Variants in SATB2 observed in about 807,000 individuals in gnomAD.
SATB2 encodes DNA-binding protein SATB2.
A neutral mutation model predicts 73.4 loss-of-function variants in SATB2; 1 was observed. That is an observed-to-expected ratio of 0.01 (90% CI 0.00 to 0.06). SATB2 has a LOEUF of 0.06. Among genes scored for constraint, SATB2 ranks in the 10% least tolerant of loss-of-function variants. The pLI, the probability that SATB2 is intolerant of heterozygous loss-of-function variation, is 1.00. For missense variants in SATB2, 459 were observed against 945.8 expected, an observed-to-expected ratio of 0.49 and a Z score of 6.75; for synonymous variants, 397 against 367.0, an observed-to-expected ratio of 1.08 and a Z score of -0.93.
chr2:199,423,926 A>C (rs1048650505), intron 3 of SATB2: 1 of 152,204 alleles, frequency 6.6e-6, no homozygotes, highest in Admixed American at 6.5e-5. Context: ...GTATCTTGGA[A>C]GCATCTCTCT....
chr2:199,272,110 C>T lies in SATB2; in HGVS notation c.*101G>A. 8.1e-7 allele frequency: 1 copy of T among 1,239,772 alleles called. No individual in the cohort carries two copies. The highest frequency in any genetic ancestry group is 2.3e-5 in the East Asian group (1 of 43,136). 76.8% of individuals were successfully genotyped at this position (1,239,772 alleles called of 1,614,324 possible). A position where few individuals can be genotyped will look rare whatever the true frequency, so the allele number is the denominator to read the frequency against. The stretch of plus-strand genomic sequence containing the variant: ...AAGACAAAAATAAAGCCAAAAAAAC[C>T]CAAAAACAAAAACAAAAAACAAACT... On this transcript the variant is annotated 3_prime_UTR_variant, in exon 11 of 11. Coordinates refer to ENST00000417098, the MANE Select transcript of SATB2 (RefSeq NM_001172509.2). This position sits in a 1 kb window ranked among gnomAD's most constrained non-coding sequence, Gnocchi z 6.7.
Position 199,456,069 on chromosome 2 carries a change from G to C in SATB2, c.-32C>G. On this transcript the variant is annotated 5_prime_UTR_variant, in exon 2 of 11. Coordinates refer to ENST00000417098, the MANE Select transcript of SATB2 (RefSeq NM_001172509.2). ...CCGACTCGGAGACAAAGTTCCCACC[G>C]GCAGGTCGCAATAAAACGCACAGGG... The C allele has an allele frequency of 6.5e-7, 1 of 1,537,626 alleles. No individual in the cohort carries two copies. Among genetic ancestry groups the C allele is most frequent in the Non-Finnish European group, 8.7e-7 (1 of 1,147,408 alleles).
At chr2:199,371,393 C>T (rs77249087) in intron 5 of SATB2, among the ~76,000 whole-genome samples, 8 of 151,934 alleles carry the variant, frequency 5.3e-5, no homozygotes, top group African/African-American at 1.9e-4. Flanking sequence ...AACATGAACC[C>T]AGCATGTGCT....
chr2:199,374,012 T>C (rs565010034), intron 5 of SATB2, among the ~76,000 whole-genome samples: 1 of 152,300 alleles, frequency 6.6e-6, no homozygotes, highest in East Asian at 1.9e-4. Flanking sequence ...GCTGACCCAA[T>C]TGGCTGCTTG....
chr2:199,371,957 GA>G lies in SATB2; in HGVS notation c.598-3251del, dbSNP rs573730604. 2.4e-3 allele frequency among the ~76,000 whole-genome samples: 367 copies of G among 152,184 alleles called. 2 individuals carry two copies. Among genetic ancestry groups the G allele is most frequent in the Non-Finnish European group, 3.9e-3 (265 of 68,010 alleles). ...TTGCATGGTGGTGGGCTGTGAAAAA[GA>G]AAGGATGAGGGTACACGTATAATGG... On this transcript the variant is annotated intron_variant, in intron 5 of 10. Coordinates refer to ENST00000417098, the MANE Select transcript of SATB2 (RefSeq NM_001172509.2).
chr2:199,280,334 G>C (rs1692449404), intron 10 of SATB2, among the ~76,000 whole-genome samples: 1 of 152,098 alleles, frequency 6.6e-6, no homozygotes, highest in Non-Finnish European at 1.5e-5. Context: ...TGTGATGATT[G>C]TGTTAACTGC....
chr2:199,369,028 A>G, intron 5 of SATB2: 1 of 252,448 alleles, frequency 4.0e-6, no homozygotes, highest in South Asian at 5.4e-5. Context: ...CAGATGCTCC[A>G]GCATCCGTAA....
chr2:199,355,348 C>CTATATA lies in SATB2; in HGVS notation c.701-6181_701-6176dup, dbSNP rs72202602. Reference sequence around the variant, plus strand: ...TATGTGTGTGTGTGTGTGTGTGTATCTATATATATATATATATATATATAT... The same window carrying CTATATA: ...TATGTGTGTGTGTGTGTGTGTGTATCTATATATATATATATATATATATATATATAT... On this transcript the variant is annotated intron_variant, in intron 6 of 10. Transcript: ENST00000417098. 7.0e-3 allele frequency among the ~76,000 whole-genome samples: 944 copies of CTATATA among 134,184 alleles called. 84 individuals carry two copies. Among genetic ancestry groups the CTATATA allele is most frequent in the African/African-American group, 0.022 (711 of 33,064 alleles). The allele number at this position is 134,184 out of a possible 152,430, so 88.0% of individuals were successfully genotyped here.
chr2:199,424,426 C>T (rs1006864561), intron 3 of SATB2, among the ~76,000 whole-genome samples: 11 of 152,068 alleles, frequency 7.2e-5, no homozygotes, highest in Non-Finnish European at 1.0e-4. Context: ...AAGGAAGTCC[C>T]CGACAGCTCT....
chr2:199,283,824 T>G (rs950179036), intron 10 of SATB2, among the ~76,000 whole-genome samples: 1 of 152,124 alleles, frequency 6.6e-6, no homozygotes, highest in East Asian at 1.9e-4. Flanking sequence ...GTCTTTTTAA[T>G]GTACTGTGTG....
At chr2:199,392,626 ATCAAGAG>A (rs2105882947) in intron 3 of SATB2, among the ~76,000 whole-genome samples, 1 of 152,248 alleles carries the variant, frequency 6.6e-6, no homozygotes, top group South Asian at 2.1e-4. Context: ...CAGCCTGGCA[ATCAAGAG>A]ATCCCAGATC....
At chr2:199,343,127 C>T (rs1192629324) in intron 7 of SATB2, among the ~76,000 whole-genome samples, 3 of 151,850 alleles carry the variant, frequency 2.0e-5, no homozygotes, top group Non-Finnish European at 2.9e-5. Context: ...CACACACACA[C>T]ACACACACAC....
chr2:199,470,421 A>T (rs1170076089), intron 1 of SATB2: 1 of 152,024 alleles, frequency 6.6e-6, no homozygotes, highest in Non-Finnish European at 1.5e-5. Context: ...GGTCAGAGGG[A>T]TCACGACCTC....
At chr2:199,348,607 C>A in intron 7 of SATB2, 94 bp downstream of exon 7, 1 of 976,286 alleles carries the variant, frequency 1.0e-6, no homozygotes. Flanking sequence ...TCCTGAGATC[C>A]ATAAAGCTTT....
chr2:199,309,790 A>G (rs1416337951), intron 9 of SATB2, among the ~76,000 whole-genome samples: 1 of 152,236 alleles, frequency 6.6e-6, no homozygotes, highest in African/African-American at 2.4e-5. Flanking sequence ...CACTAATTTT[A>G]AAAACAAGAA....
chr2:199,468,559 G>A (rs989248076), upstream of SATB2, among the ~76,000 whole-genome samples: 7 of 152,238 alleles, frequency 4.6e-5, no homozygotes, highest in African/African-American at 1.7e-4. Context: ...GGGAGAGAGA[G>A]CTGGGCTGGT....
intron 3 of SATB2, among the ~76,000 whole-genome samples, chr2:199,388,986 C>G (rs947214266): frequency 6.6e-6 from 1 of 152,052 alleles, no homozygotes; most frequent in Non-Finnish European, 1.5e-5. Context: ...AACTGTCTAT[C>G]CTATATAATA....
At chr2:199,467,173 ATACAGGCGTGAAGG>A (rs1347099953), upstream of SATB2, among the ~76,000 whole-genome samples, 1 of 152,228 alleles carries the variant, frequency 6.6e-6, no homozygotes, top group African/African-American at 2.4e-5. Context: ...GGCCTTTCTA[ATACAGGCGTGAAGG>A]GCGGGACGCC....
At chr2:199,421,842 T>C (rs1467801289) in intron 3 of SATB2, among the ~76,000 whole-genome samples, 1 of 152,176 alleles carries the variant, frequency 6.6e-6, no homozygotes, top group Non-Finnish European at 1.5e-5. Flanking sequence ...AAAAAAGTTT[T>C]TGTAAAAAAA....
Sources: gnomAD v4.1 joint callset for allele counts (sites outside exome capture counted in the v4.1 genomes callset) on GRCh38, gnomAD v4.1.1 for gene constraint, Gnocchi (gnomAD v3.1) non-coding constraint, MANE v1.5 for transcripts, NCBI Gene and HGNC (gene_info 2026-07-23, HGNC 2026-07-21) for gene names.